The following ATL3 variants were observed in gnomAD, a reference collection of about 807,000 sequenced individuals.
The protein encoded by ATL3 is atlastin GTPase 3.
Under a neutral mutation model 69.5 loss-of-function variants are expected in ATL3, and 49 were observed. That is an observed-to-expected ratio of 0.71 (90% CI 0.56 to 0.89). ATL3 has a LOEUF of 0.89. Among genes scored for constraint, ATL3 ranks in the 40% least tolerant of loss-of-function variants. The pLI is 0.00. For missense variants in ATL3, 606 were observed against 645.7 expected (o/e 0.94, Z 0.67); for synonymous variants, 214 against 224.1 (o/e 0.95, Z 0.40).
At chr11:63,655,245 G>A (rs2134514335) in intron 3 of ATL3, among the ~76,000 whole-genome samples, 1 of 152,260 alleles carries the variant, frequency 6.6e-6, no homozygotes, top group Admixed American at 6.5e-5. Context: ...CCGCCGCCCA[G>A]GTTCCAGCAA....
Position 63,658,806 on chromosome 11 carries a change from T to G in ATL3, c.360A>C (p.Gln120His), listed in dbSNP as rs1250697836. Residue 120 changes from glutamine to histidine, a missense_variant, in exon 3 of 13, where the codon CAA (glutamine) becomes CAC (histidine). Transcript: ENST00000398868. ...CCACAGTGAAAACTTCACTCCAGAT[T>G]TGAATCCCAGTGGTTTCTGGATCAG... is the stretch of plus-strand genomic sequence containing the variant. Reference protein sequence around the residue: ...GGSDPETTGIQIWSEVFTVEK... With the variant: ...GGSDPETTGIHIWSEVFTVEK... 6.2e-7 allele frequency: 1 copy of G among 1,612,278 alleles called. No homozygotes were observed. The highest frequency in any genetic ancestry group is 1.7e-5 in the Admixed American group (1 of 59,752).
chr11:63,636,240 C>A lies in ATL3; in HGVS notation c.945G>T (p.Lys315Asn), dbSNP rs759377612. The A allele has an allele frequency of 1.2e-6, 2 of 1,614,078 alleles. No homozygotes were observed. The highest frequency in any genetic ancestry group is 1.7e-6 in the Non-Finnish European group (2 of 1,180,012). Residue 315 changes from lysine to asparagine, a missense_variant, in exon 9 of 13, where the codon AAG becomes AAT. Lys to Asn is a moderately conservative substitution (Grantham distance 94). Coordinates refer to ENST00000398868, the MANE Select transcript of ATL3 (RefSeq NM_015459.5). Reference protein sequence around the residue: ...KLMEKEINGSKVTCRGLLEYF... With the variant: ...KLMEKEINGSNVTCRGLLEYF... Reference sequence around the variant, plus strand: ...ACTCCAGTAGTCCCCGACAGGTGACCTTTGAGCCATTGATCTCCTTTTCCA... The same window carrying A: ...ACTCCAGTAGTCCCCGACAGGTGACATTTGAGCCATTGATCTCCTTTTCCA...
At position 63,644,224 on chromosome 11, in the gene ATL3, T is replaced by C; in HGVS notation, c.656A>G (p.Tyr219Cys). 4 of 1,611,722 alleles carry C rather than the reference T, an allele frequency of 2.5e-6. No homozygotes were observed. Among genetic ancestry groups the C allele is most frequent in the Non-Finnish European group, 2.5e-6 (3 of 1,178,960 alleles). The change falls in exon 7 of 13, where the codon TAT (tyrosine) becomes TGT (cysteine). Residue 219 changes from tyrosine to cysteine, a missense_variant. By Grantham distance (194) the Tyr-to-Cys change is radical (BLOSUM62 -2). Coordinates refer to ENST00000398868, the MANE Select transcript of ATL3 (RefSeq NM_015459.5). Reference protein sequence around the residue: ...MFLVRDWSFPYEYSYGLQGGM... With the variant: ...MFLVRDWSFPCEYSYGLQGGM... ...TCCTTGGAGTCCATAGCTATATTCA[T>C]AAGGGAAACTCCAATCTCTAACCAA... is the stretch of plus-strand genomic sequence containing the variant.
chr11:63,636,979 C>G (rs1590722383), intron 8 of ATL3, among the ~76,000 whole-genome samples: 2 of 151,946 alleles, frequency 1.3e-5, no homozygotes, highest in African/African-American at 4.8e-5. Flanking sequence ...AGAAATTTCA[C>G]TTTTTAAAGA....
intron 5 of ATL3, among the ~76,000 whole-genome samples, chr11:63,648,073 C>T (rs745529290): frequency 2.6e-5 from 4 of 152,204 alleles, no homozygotes; most frequent in East Asian, 1.9e-4. Flanking sequence ...CTCTAACTGC[C>T]GTATTTTTCC....
At chr11:63,643,574 G>C in intron 7 of ATL3, 79 bp from the exon 8 acceptor site, 2 of 1,373,938 alleles carry the variant, frequency 1.5e-6, no homozygotes, top group South Asian at 1.5e-5. Flanking sequence ...TAAGGACAAA[G>C]GAAAGAAGAC....
In ATL3 at chr11:63,625,052, G is replaced by T. The variant is rs970524549; in HGVS notation, c.*4267C>A. 1 of 152,032 alleles carries T rather than the reference G, an allele frequency of 6.6e-6. No homozygotes were observed. Among genetic ancestry groups the T allele is most frequent in the East Asian group, 1.9e-4 (1 of 5,192 alleles). The allele number at this position is 152,032 out of a possible 1,614,324, so 9.4% of individuals were successfully genotyped here. A position where few individuals can be genotyped will look rare whatever the true frequency, so the allele number is the denominator to read the frequency against. ...TGAACTTTTTAAACAAGCCTGCTAG[G>T]TAAGTCTTATGCACTCCAAGGTAGA... On this transcript the variant is annotated 3_prime_UTR_variant, in exon 13 of 13. Transcript: ENST00000398868.
intron 7 of ATL3, 33 bp downstream of exon 7, chr11:63,644,136 G>A (rs747905276): frequency 5.0e-6 from 7 of 1,395,720 alleles, no homozygotes; most frequent in South Asian, 1.2e-5. Context: ...ACTACTTTGA[G>A]ATAATTCATC....
chr11:63,655,918 A>C (rs561839969), intron 3 of ATL3, among the ~76,000 whole-genome samples: 8 of 152,266 alleles, frequency 5.3e-5, no homozygotes, highest in African/African-American at 1.9e-4. Flanking sequence ...AACAAAACCC[A>C]CATACAAATA....
intron 3 of ATL3, among the ~76,000 whole-genome samples, chr11:63,657,544 C>G (rs982464131): frequency 2.0e-5 from 3 of 152,204 alleles, no homozygotes; most frequent in Non-Finnish European, 4.4e-5. Context: ...AGTGGTAACA[C>G]ATAAGAGCAT....
rs866244571 is a variant in ATL3 at position 63,667,782 on chromosome 11, T to A, written c.46+3508A>T. On this transcript the variant is annotated intron_variant, in intron 1 of 12. Coordinates refer to ENST00000398868, the MANE Select transcript of ATL3 (RefSeq NM_015459.5). ...CTGTATCAAAAAAAAAAAAAAAAAA[T>A]GACAGTGTAGACTAGGGTTTCTCAA... 7.5e-3 allele frequency among the ~76,000 whole-genome samples: 1,061 copies of A among 141,342 alleles called. 18 individuals carry two copies. The highest frequency in any genetic ancestry group is 0.025 in the African/African-American group (951 of 38,454). 92.7% of individuals were successfully genotyped at this position (141,342 alleles called of 152,430 possible). A position where few individuals can be genotyped will look rare whatever the true frequency, so the allele number is the denominator to read the frequency against.
chr11:63,638,276 C>T (rs1939584371), intron 8 of ATL3, among the ~76,000 whole-genome samples: 1 of 152,144 alleles, frequency 6.6e-6, no homozygotes, highest in East Asian at 1.9e-4. Context: ...TACAAAGCCT[C>T]CTGTGTTAAT....
chr11:63,664,402 T>C (rs1317555182), intron 1 of ATL3, among the ~76,000 whole-genome samples: 2 of 151,528 alleles, frequency 1.3e-5, no homozygotes, highest in Non-Finnish European at 2.9e-5. Flanking sequence ...TAGCTGGGCG[T>C]GGTGGTAGGC....
At position 63,640,141 on chromosome 11, in the gene ATL3, T is replaced by C. The variant is rs987910452; in HGVS notation, c.850+3216A>G. Among the ~76,000 whole-genome samples, 3 of 152,188 alleles carry C rather than the reference T, an allele frequency of 2.0e-5. No individual in the cohort carries two copies. The East Asian group carries it at 5.8e-4, about 29-fold the overall frequency. ...TGGGGTTTCTCCATGTTGGTCAGGC[T>C]GGTCTGGAACTCCCGACCTCAGGTG... On this transcript the variant is annotated intron_variant, in intron 8 of 12. Transcript: ENST00000398868.
chr11:63,662,486 GTTTA>G (rs1344430074), intron 1 of ATL3, among the ~76,000 whole-genome samples: 7 of 152,218 alleles, frequency 4.6e-5, no homozygotes, highest in Middle Eastern at 3.4e-3. Context: ...TAAGAAGTCT[GTTTA>G]TTTATTTAAG....
intron 3 of ATL3, among the ~76,000 whole-genome samples, chr11:63,655,371 G>A (rs1485746812): frequency 1.3e-5 from 2 of 151,488 alleles, no homozygotes; most frequent in Admixed American, 6.6e-5. Context: ...GGCTGGTCTC[G>A]AACTCCTGAC....
At position 63,646,515 on chromosome 11, in the gene ATL3, G is replaced by C. The variant is rs1444183885; in HGVS notation, c.610C>G (p.Pro204Ala). 1 of 1,586,812 alleles carries C rather than the reference G, an allele frequency of 6.3e-7. No individual in the cohort carries two copies. Among genetic ancestry groups the C allele is most frequent in the Non-Finnish European group, 8.6e-7 (1 of 1,159,656 alleles). The change falls in exon 6 of 13, where the codon CCT becomes GCT. Residue 204 changes from proline (P) to alanine (A), a missense_variant. Physicochemically the swap from Pro to Ala is conservative, Grantham distance 27. Transcript: ENST00000398868. The part of the protein sequence containing the change: ...RLAMDEIFQK[P>A]FQTLMFLVRD... ...AAAATAAATATTCTAACCTGGAAAG[G>C]CTTTTGGAAAATTTCATCCATTGCC...
chr11:63,666,422 C>A (rs746488840), intron 1 of ATL3, among the ~76,000 whole-genome samples: 2 of 152,082 alleles, frequency 1.3e-5, no homozygotes, highest in Admixed American at 6.5e-5. Context: ...GACAGATTCA[C>A]CTGCTTACTC....
At chr11:63,666,447 T>A (rs947534660) in intron 1 of ATL3, among the ~76,000 whole-genome samples, 2 of 152,110 alleles carry the variant, frequency 1.3e-5, no homozygotes, top group Non-Finnish European at 2.9e-5. Flanking sequence ...AAGTAACCTG[T>A]GGAAATATAC....
Sources: allele counts gnomAD v4.1 joint callset (sites outside exome capture counted in the v4.1 genomes callset), GRCh38; gene constraint gnomAD v4.1.1; transcripts MANE v1.5; gene names NCBI Gene and HGNC (gene_info 2026-07-23, HGNC 2026-07-21).